The following OAF variants were observed in gnomAD, a reference collection of about 807,000 sequenced individuals.
OAF encodes out at first protein homolog.
In OAF, 13 loss-of-function variants were observed where a neutral mutation model predicts 22.5. The ratio of observed to expected loss-of-function variants is 0.58; its 90% CI spans 0.38 to 0.92. The LOEUF is 0.92. OAF is among the 40% of genes least tolerant of loss of function. The probability of loss-of-function intolerance (pLI) is 0.00; values close to 1 mark genes in which losing one functional copy is unlikely to be tolerated. For synonymous variants in OAF, 175 were observed against 170.5 expected (o/e 1.03, Z -0.21); for missense variants, 347 against 381.8 (o/e 0.91, Z 0.76).
intron 1 of OAF, among the ~76,000 whole-genome samples, chr11:120,219,841 G>C (rs568724400): frequency 5.3e-5 from 8 of 152,306 alleles, no homozygotes; most frequent in Non-Finnish European, 1.2e-4. Context: ...AAACCTTCTA[G>C]ATGCCAAAAT....
intron 2 of OAF, 52 bp downstream of exon 2, chr11:120,225,847 C>A (rs746329818): frequency 5.2e-6 from 8 of 1,530,098 alleles, no homozygotes; most frequent in Non-Finnish European, 6.2e-6. Flanking sequence ...GCAGCAGACC[C>A]GGCCCAGATC....
At chr11:120,223,114 G>A (rs1938304036) in intron 1 of OAF, among the ~76,000 whole-genome samples, 1 of 152,208 alleles carries the variant, frequency 6.6e-6, no homozygotes, top group Non-Finnish European at 1.5e-5. Flanking sequence ...TGGGGAGCGG[G>A]TCCTAATCCC....
Position 120,228,853 on chromosome 11 carries a change from G to C in OAF, c.548-15G>C. ...CTCCCTCCCTCCCTCCCTGATCCTT[G>C]CCTCTCTCCCCCAGGTGTGGACAGT... is the stretch of plus-strand genomic sequence containing the variant. On this transcript the variant is annotated splice_polypyrimidine_tract_variant and intron_variant, in intron 3 of 3. Transcript: ENST00000328965. The C allele has an allele frequency of 4.6e-6, 2 of 434,816 alleles. No individual in the cohort carries two copies. The highest frequency in any genetic ancestry group is 1.0e-4 in the East Asian group (1 of 9,972). The allele number at this position is 434,816 out of a possible 1,614,324, so 26.9% of individuals were successfully genotyped here.
chr11:120,226,115 C>T (rs913585374), intron 2 of OAF, among the ~76,000 whole-genome samples: 5 of 152,202 alleles, frequency 3.3e-5, no homozygotes, highest in Non-Finnish European at 5.9e-5. Context: ...TCAGATTTCT[C>T]CCATCTGGTT....
chr11:120,228,284 C>T (rs551316744), intron 3 of OAF, among the ~76,000 whole-genome samples: 14 of 152,204 alleles, frequency 9.2e-5, no homozygotes, highest in African/African-American at 3.1e-4. Context: ...AAGGTTTCAC[C>T]GTGTTGGCCA....
intron 1 of OAF, among the ~76,000 whole-genome samples, chr11:120,218,298 C>T (rs1938238043): frequency 6.6e-6 from 1 of 152,184 alleles, no homozygotes. Flanking sequence ...GCCTAGGTCC[C>T]TGGGCACTGG....
At chr11:120,213,488 G>A (rs915210465) in intron 1 of OAF, among the ~76,000 whole-genome samples, 4 of 152,166 alleles carry the variant, frequency 2.6e-5, no homozygotes, top group African/African-American at 9.7e-5. Context: ...CATCAGCAAG[G>A]GAGGGAATTG....
rs756493234 is a variant in OAF, at chr11:120,229,597, C to G, written c.*455C>G. Reference sequence around the variant, plus strand: ...CTGGCCCCTCAGTCCCTTCCTACTCCCCAACAAGGGGCTCACTATCCCCAA... The same window carrying G: ...CTGGCCCCTCAGTCCCTTCCTACTCGCCAACAAGGGGCTCACTATCCCCAA... On this transcript the variant is annotated 3_prime_UTR_variant, in exon 4 of 4. Transcript: ENST00000328965. The G allele has an allele frequency of 1.5e-4, 26 of 167,758 alleles. No homozygotes were observed. The highest frequency in any genetic ancestry group is 2.7e-4 in the Non-Finnish European group (20 of 75,370). The allele number at this position is 167,758 out of a possible 1,614,324, so 10.4% of individuals were successfully genotyped here. A position where few individuals can be genotyped will look rare whatever the true frequency, so the allele number is the denominator to read the frequency against.
intron 1 of OAF, among the ~76,000 whole-genome samples, chr11:120,224,503 G>A (rs1030222028): frequency 2.0e-5 from 3 of 152,194 alleles, no homozygotes; most frequent in African/African-American, 7.2e-5. Flanking sequence ...CTTCGGGGCG[G>A]AGCTGTGAGT....
intron 1 of OAF, among the ~76,000 whole-genome samples, chr11:120,215,814 C>G (rs1938204546): frequency 1.3e-5 from 2 of 152,152 alleles, no homozygotes; most frequent in East Asian, 1.9e-4. Flanking sequence ...GAGTCACGCT[C>G]CAGGCTGCCT....
At chr11:120,227,021 C>T (rs760549931) in intron 3 of OAF, 25 bp downstream of exon 3, 40 of 1,554,492 alleles carry the variant, frequency 2.6e-5, no homozygotes, top group South Asian at 9.4e-5. Flanking sequence ...GGGCACTGCC[C>T]GCTGCTGGGC....
At chr11:120,223,656 A>G (rs1938310900) in intron 1 of OAF, among the ~76,000 whole-genome samples, 1 of 152,214 alleles carries the variant, frequency 6.6e-6, no homozygotes, top group African/African-American at 2.4e-5. Context: ...CTGAAAGTTC[A>G]AATACCTTCT....
At position 120,211,136 on chromosome 11, in the gene OAF, C is replaced by T; in HGVS notation, c.-144C>T. 1 of 306,044 alleles carries T rather than the reference C, an allele frequency of 3.3e-6. No homozygotes were observed. The highest frequency in any genetic ancestry group is 5.5e-6 in the Non-Finnish European group (1 of 181,334). The allele number at this position is 306,044 out of a possible 1,614,324, so 19.0% of individuals were successfully genotyped here. A position where few individuals can be genotyped will look rare whatever the true frequency, so the allele number is the denominator to read the frequency against. The stretch of plus-strand genomic sequence containing the variant: ...CTACCCACGTGCGTCCGCGCCACCT[C>T]GCGGGCGACCCCGCGGCCAAGGCCC... On this transcript the variant is annotated 5_prime_UTR_variant, in exon 1 of 4. Coordinates refer to ENST00000328965, the MANE Select transcript of OAF (RefSeq NM_178507.4).
chr11:120,219,234 G>A (rs1349305552), intron 1 of OAF, among the ~76,000 whole-genome samples: 1 of 152,106 alleles, frequency 6.6e-6, no homozygotes, highest in Non-Finnish European at 1.5e-5. Context: ...GGAGGGAATG[G>A]GAATGTGGAA....
At chr11:120,228,825 T>TGCCAA in intron 3 of OAF, 43 bp from the exon 4 acceptor site, 13 of 434,172 alleles carry the variant, frequency 3.0e-5, no homozygotes, top group East Asian at 1.1e-4. Context: ...GCTCCTTCCC[T>TGCCAA]CCCTCCCTCC....
chr11:120,229,084 A>G lies in OAF; in HGVS notation c.764A>G (p.Asp255Gly). The G allele has an allele frequency of 6.2e-7, 1 of 1,613,642 alleles. No individual in the cohort carries two copies. Among genetic ancestry groups the G allele is most frequent in the Admixed American group, 1.7e-5 (1 of 60,022 alleles). ...IRSCQKSYSFDFYVPQRQLCL... is the reference protein window; with the variant it reads ...IRSCQKSYSFGFYVPQRQLCL... ...AGCTGCCAGAAGAGCTACAGCTTCG[A>G]CTTCTACGTGCCCCAGAGGCAGCTG... is the stretch of plus-strand genomic sequence containing the variant. Residue 255 changes from aspartate (D) to glycine (G), a missense_variant, in exon 4 of 4, where the codon GAC (aspartate) becomes GGC (glycine). Transcript: ENST00000328965.
At chr11:120,212,886 G>A (rs550179609) in intron 1 of OAF, among the ~76,000 whole-genome samples, 20 of 148,340 alleles carry the variant, frequency 1.3e-4, no homozygotes, top group East Asian at 2.0e-4. Context: ...TCCTTACTCC[G>A]CAGGCCTAAG....
chr11:120,213,855 C>G (rs1251808319), intron 1 of OAF: 1 of 152,186 alleles, frequency 6.6e-6, no homozygotes, highest in Non-Finnish European at 1.5e-5. Flanking sequence ...AGGCTTATCG[C>G]TTGAAACCAG....
At chr11:120,228,798 G>A (rs1006280392) in intron 3 of OAF, 70 bp from the exon 4 acceptor site, 110 of 1,232,202 alleles carry the variant, frequency 8.9e-5, no homozygotes, top group African/African-American at 8.9e-4. Context: ...GAATGGCAGC[G>A]GCCTCTGACT....
Sources: allele counts gnomAD v4.1 joint callset (sites outside exome capture counted in the v4.1 genomes callset), GRCh38; gene constraint gnomAD v4.1.1; transcripts MANE v1.5; gene names NCBI Gene and HGNC (gene_info 2026-07-23, HGNC 2026-07-21).